Variants in PTPRG observed in about 807,000 individuals in gnomAD.
PTPRG encodes the protein protein tyrosine phosphatase receptor type G.
In PTPRG, 102 loss-of-function variants were observed where a neutral mutation model predicts 165.3. The ratio of observed to expected loss-of-function variants is 0.62; its 90% CI spans 0.53 to 0.73. The LOEUF is 0.73. Ranked by LOEUF, PTPRG falls within the 30% of genes least tolerant of loss-of-function variation. The probability of loss-of-function intolerance (pLI) is 0.00; values close to 1 mark genes in which losing one functional copy is unlikely to be tolerated. For missense variants in PTPRG, 1,866 were observed against 1,861.4 expected (o/e 1.00, Z -0.05); for synonymous variants, 675 against 669.5 (o/e 1.01, Z -0.13).
chr3:61,581,609 CTTTTTTTTTTTTTT>C (rs138750100), intron 1 of PTPRG, among the ~76,000 whole-genome samples: 1 of 137,090 alleles, frequency 7.3e-6, no homozygotes, highest in Non-Finnish European at 1.6e-5. Context: ...TTCTTTTTTT[CTTTTTTTTTTTTTT>C]TTTTATGAGA....
At chr3:61,646,419 C>CT (rs1267465658) in intron 1 of PTPRG, among the ~76,000 whole-genome samples, 13 of 152,238 alleles carry the variant, frequency 8.5e-5, no homozygotes, top group African/African-American at 2.6e-4. Context: ...GCCAGATCAT[C>CT]TAATTCTTAA....
chr3:62,203,324 T>G lies in PTPRG; in HGVS notation c.1529T>G (p.Val510Gly). The G allele has an allele frequency of 1.2e-6, 2 of 1,613,928 alleles. No individual in the cohort carries two copies. The highest frequency in any genetic ancestry group is 1.7e-6 in the Non-Finnish European group (2 of 1,180,008). The change falls in exon 12 of 30, where the codon GTG (valine) becomes GGG (glycine). Residue 510 changes from valine to glycine, a missense_variant. Transcript: ENST00000474889. This position sits in a 1 kb window ranked among gnomAD's most constrained non-coding sequence, Gnocchi z 6.4. The stretch of plus-strand genomic sequence containing the variant: ...GGCAGCCAGGCCACAGTGGCCTCGG[T>G]GGTCACCAGCACGCTGCTCGCCGGC... ...SSGSQATVAS[V>G]VTSTLLAGLG...
At chr3:61,773,587 C>T (rs1371544113) in intron 2 of PTPRG, among the ~76,000 whole-genome samples, 3 of 152,020 alleles carry the variant, frequency 2.0e-5, no homozygotes, top group Non-Finnish European at 2.9e-5. Flanking sequence ...TTTAATTCCT[C>T]CTATCAGTCC....
chr3:61,969,163 A>G (rs1381514804), intron 2 of PTPRG, among the ~76,000 whole-genome samples: 2 of 152,176 alleles, frequency 1.3e-5, no homozygotes, highest in African/African-American at 2.4e-5. Flanking sequence ...GCCTGGCTCA[A>G]TGAGTGGTTC....
intron 2 of PTPRG, among the ~76,000 whole-genome samples, chr3:61,916,785 T>A (rs1400466728): frequency 6.6e-6 from 1 of 152,240 alleles, no homozygotes; most frequent in Admixed American, 6.5e-5. Flanking sequence ...GGTATAGGAA[T>A]ATTAAATAAT....
chr3:62,144,156 C>A (rs1704033263), intron 6 of PTPRG, among the ~76,000 whole-genome samples: 1 of 152,192 alleles, frequency 6.6e-6, no homozygotes, highest in African/African-American at 2.4e-5. Context: ...CTGGCCTGCA[C>A]CACCTTATGT....
chr3:61,587,268 C>G (rs898848926), intron 1 of PTPRG, among the ~76,000 whole-genome samples: 4 of 152,174 alleles, frequency 2.6e-5, no homozygotes, highest in African/African-American at 9.7e-5. Flanking sequence ...GAAATAATTT[C>G]AGATTTCTAG....
intron 5 of PTPRG, among the ~76,000 whole-genome samples, chr3:62,122,374 A>G (rs1371628622): frequency 6.6e-6 from 1 of 152,154 alleles, no homozygotes; most frequent in Non-Finnish European, 1.5e-5. Flanking sequence ...ATGGCCTGTG[A>G]GGTATTGCTT....
At chr3:62,124,575 T>C (rs1278102516) in intron 5 of PTPRG, 40 of 1,323,726 alleles carry the variant, frequency 3.0e-5, no homozygotes, top group Non-Finnish European at 4.2e-5. Context: ...AGGCTGTTTT[T>C]CCTAATGGAC....
At chr3:61,845,148 G>A (rs1210590015) in intron 2 of PTPRG, among the ~76,000 whole-genome samples, 3 of 152,174 alleles carry the variant, frequency 2.0e-5, no homozygotes, top group Non-Finnish European at 4.4e-5. Flanking sequence ...TATGAGTGGA[G>A]TTGTTTCATG....
chr3:62,037,609 A>G (rs560134173), intron 4 of PTPRG, among the ~76,000 whole-genome samples: 16 of 152,276 alleles, frequency 1.1e-4, no homozygotes, highest in Admixed American at 3.3e-4. Flanking sequence ...CTCTTCATCA[A>G]TAGTCAAATT....
At chr3:61,691,249 C>T (rs1416905468) in intron 1 of PTPRG, among the ~76,000 whole-genome samples, 1 of 152,010 alleles carries the variant, frequency 6.6e-6, no homozygotes, top group Non-Finnish European at 1.5e-5. Context: ...CCCATCTCTA[C>T]AAAAATAATT....
At chr3:61,748,253 T>C (rs138114510) in intron 1 of PTPRG, among the ~76,000 whole-genome samples, 1 of 152,322 alleles carries the variant, frequency 6.6e-6, no homozygotes, top group Non-Finnish European at 1.5e-5. Context: ...TTTCAGATTG[T>C]CCTGTGTTTG....
At chr3:62,187,847 C>T (rs1030871922) in intron 8 of PTPRG, among the ~76,000 whole-genome samples, 7 of 152,170 alleles carry the variant, frequency 4.6e-5, no homozygotes, top group African/African-American at 1.2e-4. Context: ...CTCCTCCTCT[C>T]GTGTAATCAG....
chr3:61,861,047 A>G (rs961108635), intron 2 of PTPRG, among the ~76,000 whole-genome samples: 5 of 152,238 alleles, frequency 3.3e-5, no homozygotes, highest in African/African-American at 9.6e-5. Flanking sequence ...TATAAAAGGA[A>G]TCATAGAGTA....
At chr3:61,948,803 T>A (rs1467769395) in intron 2 of PTPRG, among the ~76,000 whole-genome samples, 3 of 152,112 alleles carry the variant, frequency 2.0e-5, no homozygotes, top group African/African-American at 4.8e-5. Context: ...GTATTTACCT[T>A]TGAGAATGCA....
rs142740305 is a variant in PTPRG at position 61,998,274 on chromosome 3, G to A, written c.371-5075G>A. Reference sequence around the variant, plus strand: ...CCTGGCCCTTTGCATAGCCTGGAGCGTCTTTACATCATGGGGAGCCCCAGA... The same window carrying A: ...CCTGGCCCTTTGCATAGCCTGGAGCATCTTTACATCATGGGGAGCCCCAGA... On this transcript the variant is annotated intron_variant, in intron 3 of 29. Coordinates refer to ENST00000474889, the MANE Select transcript of PTPRG (RefSeq NM_002841.4). 8.2e-3 allele frequency among the ~76,000 whole-genome samples: 1,245 copies of A among 152,230 alleles called. 16 individuals carry two copies. The highest frequency in any genetic ancestry group is 0.027 in the Middle Eastern group (8 of 294).
chr3:61,938,860 T>C (rs1352624516), intron 2 of PTPRG, among the ~76,000 whole-genome samples: 2 of 152,228 alleles, frequency 1.3e-5, no homozygotes, highest in Non-Finnish European at 2.9e-5. Flanking sequence ...AATATCCAGG[T>C]ATAATTGGTT....
chr3:61,591,339 C>G (rs1700564381), intron 1 of PTPRG, among the ~76,000 whole-genome samples: 1 of 152,174 alleles, frequency 6.6e-6, no homozygotes, highest in South Asian at 2.1e-4. Flanking sequence ...CTTAGCTTTT[C>G]TTCTTGTGGA....
Sources: allele counts gnomAD v4.1 joint callset (sites outside exome capture counted in the v4.1 genomes callset), GRCh38; gene constraint gnomAD v4.1.1; non-coding constraint Gnocchi (gnomAD v3.1); transcripts MANE v1.5; gene names NCBI Gene and HGNC (gene_info 2026-07-23, HGNC 2026-07-21).